Variants in CDC23 observed in about 807,000 individuals in gnomAD.
CDC23 encodes cell division cycle 23, also known as cell division cycle protein 23 homolog.
CDC23 carries 26 observed loss-of-function variants against 81.7 expected under a neutral mutation model. That is an observed-to-expected ratio of 0.32 (90% CI 0.23 to 0.44). CDC23 has a LOEUF of 0.44. CDC23 is among the 20% of genes least tolerant of loss of function. The pLI, the probability that CDC23 is intolerant of heterozygous loss-of-function variation, is 1.00. For missense variants in CDC23, 519 were observed against 728.0 expected (o/e 0.71, Z 3.30); for synonymous variants, 267 against 270.8 (o/e 0.99, Z 0.14).
At chr5:138,210,306 A>C (rs1289901386) in intron 2 of CDC23, among the ~76,000 whole-genome samples, 1 of 151,924 alleles carries the variant, frequency 6.6e-6, no homozygotes, top group Non-Finnish European at 1.5e-5. Context: ...TGGGTGGATC[A>C]GCTGAGTTCA....
At chr5:138,201,566 C>T (rs937279619) in intron 4 of CDC23, 118 bp from the exon 5 acceptor site, 9 of 706,126 alleles carry the variant, frequency 1.3e-5, no homozygotes, top group Non-Finnish European at 2.0e-5. Context: ...AGGCTGGTCT[C>T]AAACTCCTGG....
At chr5:138,212,237 G>A (rs973139079) in intron 2 of CDC23, among the ~76,000 whole-genome samples, 3 of 152,148 alleles carry the variant, frequency 2.0e-5, no homozygotes, top group African/African-American at 7.2e-5. Context: ...TTTGAACCCA[G>A]AGTCGTCTCA....
chr5:138,198,825 C>T (rs1454696574), intron 6 of CDC23, 43 bp from the exon 7 acceptor site: 6 of 1,569,558 alleles, frequency 3.8e-6, no homozygotes, highest in Non-Finnish European at 5.2e-6. Flanking sequence ...ATAACTTGAC[C>T]TCTCTCTCAA....
chr5:138,189,149 C>A lies in CDC23; in HGVS notation c.1624-1G>T. 1 of 1,611,948 alleles carries A rather than the reference C, an allele frequency of 6.2e-7. No homozygotes were observed. Among genetic ancestry groups the A allele is most frequent in the Non-Finnish European group, 8.5e-7 (1 of 1,179,112 alleles). Reference sequence around the variant, plus strand: ...GTAAGGCCTTACCTTCTTCCCGGGTCTGCAACAAAGTCAGGGAAATGTTTC... The same window carrying A: ...GTAAGGCCTTACCTTCTTCCCGGGTATGCAACAAAGTCAGGGAAATGTTTC... On this transcript the variant is annotated splice_acceptor_variant, in intron 15 of 15. Coordinates refer to ENST00000394886, the MANE Select transcript of CDC23 (RefSeq NM_004661.4). LOFTEE classifies it high-confidence loss of function.
intron 2 of CDC23, among the ~76,000 whole-genome samples, chr5:138,209,212 A>T (rs1424787847): frequency 3.3e-5 from 5 of 151,940 alleles, no homozygotes; most frequent in Admixed American, 2.0e-4. Flanking sequence ...GGATCACCTG[A>T]GGTCAAGAGT....
At chr5:138,204,176 A>T (rs1016069879) in intron 3 of CDC23, among the ~76,000 whole-genome samples, 1 of 152,162 alleles carries the variant, frequency 6.6e-6, no homozygotes, top group African/African-American at 2.4e-5. Flanking sequence ...TGATAAAGCA[A>T]ATAGGATTAA....
At chr5:138,204,547 C>G (rs922720843) in intron 3 of CDC23, among the ~76,000 whole-genome samples, 1 of 150,432 alleles carries the variant, frequency 6.6e-6, no homozygotes, top group Non-Finnish European at 1.5e-5. Flanking sequence ...TTGTACTATT[C>G]TTATTCTCGC....
intron 13 of CDC23, among the ~76,000 whole-genome samples, chr5:138,191,010 T>C (rs778997653): frequency 6.6e-6 from 1 of 152,258 alleles, no homozygotes; most frequent in South Asian, 2.1e-4. Flanking sequence ...AAATTAATAC[T>C]GAAAGTAGTT....
At chr5:138,195,740 TA>T (rs1754891678) in intron 9 of CDC23, among the ~76,000 whole-genome samples, 1 of 118,242 alleles carries the variant, frequency 8.5e-6, no homozygotes, top group Non-Finnish European at 1.7e-5. Context: ...ATACATATAA[TA>T]TATATGTATA....
At chr5:138,195,581 A>G (rs1417939838) in intron 9 of CDC23, among the ~76,000 whole-genome samples, 1 of 68,546 alleles carries the variant, frequency 1.5e-5, no homozygotes, top group Non-Finnish European at 3.1e-5. Flanking sequence ...TATATAATAT[A>G]TTATATATAA....
At chr5:138,205,706 A>C (rs962768518) in intron 3 of CDC23, among the ~76,000 whole-genome samples, 6 of 152,060 alleles carry the variant, frequency 3.9e-5, no homozygotes, top group African/African-American at 7.2e-5. Context: ...GAAAAAAAAA[A>C]AAAAAACAAA....
chr5:138,206,415 T>G, intron 3 of CDC23, 132 bp downstream of exon 3: 1 of 848,818 alleles, frequency 1.2e-6, no homozygotes, highest in Non-Finnish European at 1.9e-6. Context: ...ATCTTTTTTT[T>G]ATTATTGCTA....
At position 138,188,098 on chromosome 5, in the gene CDC23, A is replaced by G. The variant is rs1327352117; in HGVS notation, c.*880T>C. ...CCTCATCTAGATAAAGGCTGAAAAAAATGTATTCTGTTGCAGATGGGAGGG... is the reference window on the plus strand; with the variant it reads ...CCTCATCTAGATAAAGGCTGAAAAAGATGTATTCTGTTGCAGATGGGAGGG... On this transcript the variant is annotated 3_prime_UTR_variant, in exon 16 of 16. Coordinates refer to ENST00000394886, the MANE Select transcript of CDC23 (RefSeq NM_004661.4). 1 of 152,222 alleles carries G rather than the reference A, an allele frequency of 6.6e-6. No individual in the cohort carries two copies. The highest frequency in any genetic ancestry group is 6.5e-5 in the Admixed American group (1 of 15,274). The allele number at this position is 152,222 out of a possible 1,614,324, so 9.4% of individuals were successfully genotyped here.
intron 4 of CDC23, 31 bp from the exon 5 acceptor site, chr5:138,201,479 G>C (rs775502160): frequency 2.9e-6 from 4 of 1,387,730 alleles, no homozygotes; most frequent in Admixed American, 4.4e-5. Context: ...CTGTTCTAAG[G>C]TTAGGATGCT....
intron 6 of CDC23, 60 bp from the exon 7 acceptor site, chr5:138,198,842 A>C: frequency 1.3e-6 from 2 of 1,500,110 alleles, no homozygotes; most frequent in Non-Finnish European, 1.8e-6. Context: ...TCAAACAAAC[A>C]TCCAGGAACT....
intron 2 of CDC23, among the ~76,000 whole-genome samples, chr5:138,207,883 C>T (rs17228353): frequency 0.024 from 3,632 of 151,936 alleles, 67 homozygotes; most frequent in Non-Finnish European, 0.034. Context: ...GAGCCAAGAT[C>T]GCGCCACATC....
chr5:138,203,609 C>T (rs2126587217), intron 3 of CDC23, among the ~76,000 whole-genome samples: 1 of 152,192 alleles, frequency 6.6e-6, no homozygotes, highest in South Asian at 2.1e-4. Context: ...ACTGCTGGCT[C>T]AATTGACAAG....
chr5:138,201,498 T>C, intron 4 of CDC23, 50 bp from the exon 5 acceptor site: 2 of 1,226,906 alleles, frequency 1.6e-6, no homozygotes, highest in Non-Finnish European at 2.3e-6. Context: ...CTGGTTTTCA[T>C]TTTCTTATTT....
chr5:138,201,977 A>G, intron 4 of CDC23, 136 bp downstream of exon 4: 2 of 640,806 alleles, frequency 3.1e-6, no homozygotes, highest in Admixed American at 3.0e-5. Context: ...GGTACAAGGT[A>G]GCTGAGATAA....
Sources: gnomAD v4.1 joint callset for allele counts (sites outside exome capture counted in the v4.1 genomes callset) on GRCh38, gnomAD v4.1.1 for gene constraint, MANE v1.5 for transcripts, NCBI Gene and HGNC (gene_info 2026-07-23, HGNC 2026-07-21) for gene names.